ATL1: variants seen among roughly 807,000 people sequenced by gnomAD.
The protein encoded by ATL1 is atlastin-1.
ATL1 carries 31 observed loss-of-function variants against 75.5 expected under a neutral mutation model. The ratio of observed to expected loss-of-function variants is 0.41; its 90% CI spans 0.31 to 0.55. The LOEUF is 0.55. ATL1 is among the 20% of genes least tolerant of loss of function. The pLI is 0.27. For synonymous variants in ATL1, 226 were observed against 233.3 expected, an observed-to-expected ratio of 0.97 and a Z score of 0.28; for missense variants, 405 against 662.6, an observed-to-expected ratio of 0.61 and a Z score of 4.27.
chr14:50,607,420 G>A (rs1307772169), intron 6 of ATL1, among the ~76,000 whole-genome samples: 1 of 152,032 alleles, frequency 6.6e-6, no homozygotes, highest in Non-Finnish European at 1.5e-5. Flanking sequence ...GAAGCAAGAT[G>A]GGTTGACATC....
At chr14:50,621,576 G>A (rs766814368) in intron 9 of ATL1, among the ~76,000 whole-genome samples, 3 of 152,162 alleles carry the variant, frequency 2.0e-5, no homozygotes, top group Non-Finnish European at 2.9e-5. Flanking sequence ...CGGCAGAGGG[G>A]TCTAAGAACA....
intron 1 of ATL1, among the ~76,000 whole-genome samples, chr14:50,567,326 C>T (rs879283790): frequency 3.3e-5 from 5 of 152,082 alleles, no homozygotes; most frequent in South Asian, 2.1e-4. Context: ...AATAGCATTC[C>T]GTTGTAAGTA....
At chr14:50,536,760 C>T (rs1396917673) in intron 1 of ATL1, among the ~76,000 whole-genome samples, 1 of 152,096 alleles carries the variant, frequency 6.6e-6, no homozygotes, top group Non-Finnish European at 1.5e-5. Flanking sequence ...TTGCCCCTGC[C>T]CTAGAGGTTT....
At chr14:50,564,647 C>CAAAAAAAAAAAAAAAAAAAA (rs60054322) in intron 1 of ATL1, among the ~76,000 whole-genome samples, 4 of 40,004 alleles carry the variant, frequency 1.0e-4, no homozygotes, top group African/African-American at 4.4e-4. Flanking sequence ...GATTCCGTCT[C>CAAAAAAAAAAAAAAAAAAAA]AAAAAAAAAA....
At chr14:50,581,147 G>T (rs2039051730) in intron 1 of ATL1, among the ~76,000 whole-genome samples, 1 of 149,158 alleles carries the variant, frequency 6.7e-6, no homozygotes, top group East Asian at 1.9e-4. Context: ...ATTTATTTTT[G>T]ACCATTATTT....
chr14:50,627,038 G>C (rs1055086575), intron 11 of ATL1, among the ~76,000 whole-genome samples: 2 of 152,134 alleles, frequency 1.3e-5, no homozygotes, highest in Admixed American at 1.3e-4. Context: ...GGCATCCCAG[G>C]CTACAGAGAA....
intron 1 of ATL1, among the ~76,000 whole-genome samples, chr14:50,551,673 T>C (rs1264921804): frequency 6.6e-6 from 1 of 152,144 alleles, no homozygotes; most frequent in African/African-American, 2.4e-5. Context: ...AAAGATAATA[T>C]ACATGATGAA....
upstream of ATL1, among the ~76,000 whole-genome samples, chr14:50,556,031 T>G (rs978160977): frequency 6.6e-6 from 1 of 152,160 alleles, no homozygotes; most frequent in Non-Finnish European, 1.5e-5. Flanking sequence ...GAATAGTTTG[T>G]GGAGTAACAT....
intron 13 of ATL1, 118 bp from the exon 14 acceptor site, chr14:50,632,110 TA>T (rs1205011158): frequency 6.4e-6 from 4 of 620,264 alleles, no homozygotes; most frequent in Non-Finnish European, 1.1e-5. Context: ...ATATATCGAT[TA>T]AAAAAGATTT....
rs549427404 is a variant in ATL1, at chr14:50,628,043, G to C, written c.1132G>C (p.Asp378His). The C allele has an allele frequency of 1.2e-6, 2 of 1,614,190 alleles. No homozygotes were observed. Among genetic ancestry groups the C allele is most frequent in the South Asian group, 2.2e-5 (2 of 91,080 alleles). ...CTATCTGATACAGATTTGTGGTGGT[G>C]ACAAACCATTTCTGGCCCCAAATGA... ...NKKMEEICGG[D>H]KPFLAPNDLQ... The change falls in exon 12 of 14, where the codon GAC (aspartate) becomes CAC (histidine). Residue 378 changes from aspartate (D) to histidine (H), a missense_variant. Around this residue, in one of 5 missense-constraint regions of ATL1, gnomAD observed 163 missense variants for 244.1 expected, o/e 0.67. Transcript: ENST00000358385.
At chr14:50,537,129 G>A (rs764841058) in intron 1 of ATL1, among the ~76,000 whole-genome samples, 46 of 152,206 alleles carry the variant, frequency 3.0e-4, no homozygotes, top group South Asian at 6.2e-4. Context: ...GCTAGGCCCA[G>A]GGTCCCTGTG....
At chr14:50,587,785 G>C (rs1414091805) in intron 1 of ATL1, 46 bp from the exon 2 acceptor site, 4 of 1,613,502 alleles carry the variant, frequency 2.5e-6, no homozygotes, top group Non-Finnish European at 3.4e-6. Flanking sequence ...ACATTTCTTG[G>C]CACTTTGAGA....
intron 1 of ATL1, among the ~76,000 whole-genome samples, chr14:50,537,236 T>C (rs1595562720): frequency 6.6e-6 from 1 of 152,154 alleles, no homozygotes; most frequent in Non-Finnish European, 1.5e-5. Flanking sequence ...CTTCAGAGGG[T>C]GCAAGCCTCC....
chr14:50,619,973 GT>G (rs2039451602), intron 8 of ATL1, among the ~76,000 whole-genome samples: 1 of 152,046 alleles, frequency 6.6e-6, no homozygotes, highest in Non-Finnish European at 1.5e-5. Context: ...ACATGAACTG[GT>G]TATGGCTGGG....
rs1490412003 is a variant in ATL1, at chr14:50,546,762, A to G, written c.-139-13365A>G. ...TTGTGTGGTTTTTTTGACAAATAAG[A>G]CTAATTTAATATAGTTGGTTCAATG... is the stretch of plus-strand genomic sequence containing the variant. On this transcript the variant is annotated intron_variant, in intron 1 of 13. Transcript: ENST00000441560. 2.0e-5 allele frequency among the ~76,000 whole-genome samples: 3 copies of G among 152,160 alleles called. 1 individual carries two copies. Among genetic ancestry groups the G allele is most frequent in the African/African-American group, 7.2e-5 (3 of 41,422 alleles).
chr14:50,620,522 C>T, intron 8 of ATL1, 77 bp from the exon 9 acceptor site: 1 of 1,485,210 alleles, frequency 6.7e-7, no homozygotes. Flanking sequence ...TGGGGGAGAT[C>T]AAAGGATGTT....
intron 6 of ATL1, among the ~76,000 whole-genome samples, chr14:50,596,570 A>G (rs1336365092): frequency 2.0e-5 from 3 of 152,228 alleles, no homozygotes; most frequent in African/African-American, 7.2e-5. Flanking sequence ...AAAGTTTACC[A>G]CATATTAAGC....
At chr14:50,561,668 G>C (rs2038847146) in intron 1 of ATL1, among the ~76,000 whole-genome samples, 1 of 152,182 alleles carries the variant, frequency 6.6e-6, no homozygotes, top group Non-Finnish European at 1.5e-5. Context: ...GTTTGTGGTA[G>C]GCATGGAGAG....
intron 7 of ATL1, among the ~76,000 whole-genome samples, chr14:50,613,801 G>C (rs189131263): frequency 5.9e-5 from 9 of 152,250 alleles, no homozygotes; most frequent in Admixed American, 5.2e-4. Context: ...TTACAAAAAT[G>C]TTCCTTGAAA....
Sources: allele counts gnomAD v4.1 joint callset (sites outside exome capture counted in the v4.1 genomes callset), GRCh38; gene constraint gnomAD v4.1.1; regional missense constraint gnomAD v4.1.1; transcripts MANE v1.5; gene names NCBI Gene and HGNC (gene_info 2026-07-23, HGNC 2026-07-21).